ABHD12B: variants seen among roughly 807,000 people sequenced by gnomAD.
The protein encoded by ABHD12B is protein ABHD12B.
Under a neutral mutation model 50.4 loss-of-function variants are expected in ABHD12B, and 42 were observed. The ratio of observed to expected loss-of-function variants is 0.83; its 90% CI spans 0.65 to 1.08. The LOEUF is 1.08. Ranked by LOEUF, ABHD12B falls within the 50% of genes least tolerant of loss-of-function variation. The pLI is 0.00. For missense variants in ABHD12B, 479 were observed against 447.7 expected (o/e 1.07, Z -0.63); for synonymous variants, 167 against 160.3 (o/e 1.04, Z -0.32).
chr14:50,872,297 A>C lies in ABHD12B; in HGVS notation c.104+19A>C. The C allele has an allele frequency of 7.8e-7, 1 of 1,277,204 alleles. No individual in the cohort carries two copies. The allele number at this position is 1,277,204 out of a possible 1,614,324, so 79.1% of individuals were successfully genotyped here. On this transcript the variant is annotated intron_variant, in intron 1 of 12. Transcript: ENST00000337334. Reference sequence around the variant, plus strand: ...ACCTGCGGTGAGTACCGCCCGGTCCACCCCTGGCCGGGCCCCGACGGCTCA... The same window carrying C: ...ACCTGCGGTGAGTACCGCCCGGTCCCCCCCTGGCCGGGCCCCGACGGCTCA...
At position 50,903,574 on chromosome 14, in the gene ABHD12B, A is replaced by G. The variant is rs575042500; in HGVS notation, c.942+107A>G. 1.4e-5 allele frequency: 12 copies of G among 867,750 alleles called. No individual in the cohort carries two copies. In the African/African-American group the frequency reaches 2.0e-4, roughly 15 times the overall value. 53.8% of individuals were successfully genotyped at this position (867,750 alleles called of 1,614,324 possible). A position where few individuals can be genotyped will look rare whatever the true frequency, so the allele number is the denominator to read the frequency against. ...CCGAAAGGAGGGTCTCTGACATTAT[A>G]GGAGATTCTCTACACCCCTAAATAG... On this transcript the variant is annotated intron_variant, in intron 11 of 12. Coordinates refer to ENST00000337334, the MANE Select transcript of ABHD12B (RefSeq NM_001206673.2).
rs1277342708 is a variant in ABHD12B at position 50,904,357 on chromosome 14, G to A, written c.1080G>A (p.Gln360=). ...TCTACAGAGATTTCCTGAGCAAGCA[G>A]TGGTCATGAGTCTGGGAGGAGTGGA... The part of the protein sequence containing the change: ...LITVRDFLSK[Q]WS Residue 360 remains glutamine (Q), a synonymous_variant, in exon 13 of 13, where the codon CAG becomes CAA. Transcript: ENST00000337334. The A allele has an allele frequency of 6.2e-7, 1 of 1,613,832 alleles. No homozygotes were observed. Among genetic ancestry groups the A allele is most frequent in the African/African-American group, 1.3e-5 (1 of 74,912 alleles).
At chr14:50,877,844 G>A (rs780964107) in intron 1 of ABHD12B, 108 bp from the exon 2 acceptor site, 157 of 1,174,082 alleles carry the variant, frequency 1.3e-4, no homozygotes, top group Non-Finnish European at 1.7e-4. Context: ...TCCAGCCTGG[G>A]CAACAAGAGC....
At chr14:50,872,686 T>A (rs1178009833) in intron 1 of ABHD12B, among the ~76,000 whole-genome samples, 1 of 152,176 alleles carries the variant, frequency 6.6e-6, no homozygotes, top group Non-Finnish European at 1.5e-5. Context: ...TTGGACGGGA[T>A]CCTCTTAGGT....
At chr14:50,886,002 C>G in intron 7 of ABHD12B, 107 bp downstream of exon 7, 1 of 1,485,354 alleles carries the variant, frequency 6.7e-7, no homozygotes, top group Non-Finnish European at 9.2e-7. Context: ...AAGACAGGGA[C>G]TCTTTGCTGA....
intron 1 of ABHD12B, among the ~76,000 whole-genome samples, chr14:50,875,973 G>A (rs543289044): frequency 2.0e-5 from 3 of 152,288 alleles, no homozygotes; most frequent in African/African-American, 7.2e-5. Context: ...GGTGAGTGAG[G>A]GGAGCTTAGA....
In ABHD12B at chr14:50,903,366, GCTTTTCTTCTA is replaced by G; in HGVS notation, c.864-19_864-9del. The G allele has an allele frequency of 6.4e-7, 1 of 1,567,814 alleles. No homozygotes were observed. ...TCAATGTATCATTCTTTAACTGAAT[GCTTTTCTTCTA>G]CTTGTCCCTAGTGTTAAATTCCTTT... On this transcript the variant is annotated splice_polypyrimidine_tract_variant and intron_variant, in intron 10 of 12. Coordinates refer to ENST00000337334, the MANE Select transcript of ABHD12B (RefSeq NM_001206673.2).
chr14:50,888,547 G>C (rs577174015), intron 8 of ABHD12B, among the ~76,000 whole-genome samples: 1 of 152,214 alleles, frequency 6.6e-6, no homozygotes, highest in East Asian at 1.9e-4. Context: ...TGTGTTCTTA[G>C]AAGAAGGTAG....
intron 5 of ABHD12B, among the ~76,000 whole-genome samples, chr14:50,882,972 T>TAA (rs1596005835): frequency 9.8e-5 from 1 of 10,178 alleles, no homozygotes; most frequent in Admixed American, 7.1e-4. Flanking sequence ...AGACCCTGAC[T>TAA]CAAAAAAAAA....
At chr14:50,878,597 G>C (rs777835171) in intron 2 of ABHD12B, 148 bp from the exon 3 acceptor site, 6 of 666,642 alleles carry the variant, frequency 9.0e-6, no homozygotes, top group Non-Finnish European at 1.5e-5. Context: ...AGTCCTAGCT[G>C]ATAAAATAAA....
At chr14:50,886,622 T>G in intron 7 of ABHD12B, 25 bp from the exon 8 acceptor site, 1 of 1,604,132 alleles carries the variant, frequency 6.2e-7, no homozygotes, top group Non-Finnish European at 8.5e-7. Flanking sequence ...GCTTAACACA[T>G]GTACTAATTT....
In ABHD12B at chr14:50,880,955, A is replaced by C. The variant is rs151309576; in HGVS notation, c.455+384A>C. On this transcript the variant is annotated intron_variant, in intron 4 of 12. Coordinates refer to ENST00000337334, the MANE Select transcript of ABHD12B (RefSeq NM_001206673.2). Reference sequence around the variant, plus strand: ...TTCCAGATCAGAGATTTTTCAGAACACTACAGTGGAGAGTCCTTTATTTAG... The same window carrying C: ...TTCCAGATCAGAGATTTTTCAGAACCCTACAGTGGAGAGTCCTTTATTTAG... Among the ~76,000 whole-genome samples the C allele has an allele frequency of 2.0e-5, 3 of 152,328 alleles. No individual in the cohort carries two copies. The East Asian group carries it at 5.8e-4, about 29-fold the overall frequency.
At chr14:50,887,655 C>T (rs1041560510) in intron 8 of ABHD12B, among the ~76,000 whole-genome samples, 2 of 152,110 alleles carry the variant, frequency 1.3e-5, no homozygotes, top group Admixed American at 6.6e-5. Context: ...TTATCTTCTT[C>T]CAGATATAAT....
intron 2 of ABHD12B, 123 bp downstream of exon 2, chr14:50,878,202 G>T: frequency 2.3e-6 from 2 of 851,340 alleles, no homozygotes; most frequent in Admixed American, 6.3e-5. Context: ...AGACTGAAAT[G>T]GTCTGAAACT....
intron 9 of ABHD12B, chr14:50,892,484 G>C (rs1304713161): frequency 2.0e-6 from 2 of 985,418 alleles, no homozygotes; most frequent in Non-Finnish European, 2.4e-6. Context: ...GTGGAGGAGG[G>C]GCGGGAGGAT....
chr14:50,904,602 C>G lies in ABHD12B; in HGVS notation c.*236C>G, dbSNP rs1201215577. ...CATGCTGAAACCTCACTGTGGAGAA[C>G]CAGAATTTGGTAAAATCTAGATCCT... On this transcript the variant is annotated 3_prime_UTR_variant, in exon 13 of 13. Transcript: ENST00000337334. 2 of 583,622 alleles carry G rather than the reference C, an allele frequency of 3.4e-6. No homozygotes were observed. Among genetic ancestry groups the G allele is most frequent in the Non-Finnish European group, 6.0e-6 (2 of 331,756 alleles). The allele number at this position is 583,622 out of a possible 1,614,324, so 36.2% of individuals were successfully genotyped here. A position where few individuals can be genotyped will look rare whatever the true frequency, so the allele number is the denominator to read the frequency against.
Position 50,903,872 on chromosome 14 carries a change from T to C in ABHD12B, c.943-202T>C, listed in dbSNP as rs562477905. On this transcript the variant is annotated intron_variant, in intron 11 of 12. Transcript: ENST00000337334. ...GTTCAAGCAGGGAAGGATGAGGTTT[T>C]ATCAGTATTCTATATTAGCTGAGCA... 3.6e-5 allele frequency: 20 copies of C among 560,760 alleles called. No homozygotes were observed. In the Admixed American group the frequency reaches 5.6e-4, roughly 16 times the overall value. 34.7% of individuals were successfully genotyped at this position (560,760 alleles called of 1,614,324 possible).
rs773181196 is a variant in ABHD12B, at chr14:50,885,754, TC to T, written c.533-11del. ...AGGCAGTGATACTGTGTTTGCCTTTTCTTGCTGCCAGGATTTGGGGACTCTA... is the reference window on the plus strand; with the variant it reads ...AGGCAGTGATACTGTGTTTGCCTTTTTTGCTGCCAGGATTTGGGGACTCTA... On this transcript the variant is annotated splice_polypyrimidine_tract_variant and intron_variant, in intron 6 of 12. Transcript: ENST00000337334. The T allele has an allele frequency of 1.2e-6, 2 of 1,614,190 alleles. No individual in the cohort carries two copies. The highest frequency in any genetic ancestry group is 1.7e-6 in the Non-Finnish European group (2 of 1,180,020).
intron 5 of ABHD12B, among the ~76,000 whole-genome samples, chr14:50,882,443 C>T (rs1596005378): frequency 8.4e-6 from 1 of 118,810 alleles, no homozygotes; most frequent in African/African-American, 3.3e-5. Flanking sequence ...GTGGTGCTAT[C>T]TCGGCTCACT....
Sources: gnomAD v4.1 joint callset for allele counts (sites outside exome capture counted in the v4.1 genomes callset) on GRCh38, gnomAD v4.1.1 for gene constraint, MANE v1.5 for transcripts, NCBI Gene and HGNC (gene_info 2026-07-23, HGNC 2026-07-21) for gene names.